The following LARGE1 variants were observed in gnomAD, a reference collection of about 807,000 sequenced individuals.
The protein encoded by LARGE1 is LARGE xylosyl- and glucuronyltransferase 1.
A neutral mutation model predicts 87.6 loss-of-function variants in LARGE1; 43 were observed. The observed-to-expected ratio is 0.49, with a 90% CI of 0.38 to 0.63. The LOEUF (loss-of-function observed/expected upper bound fraction) is 0.63. Ranked by LOEUF, LARGE1 falls within the 30% of genes least tolerant of loss-of-function variation. The pLI is 0.00. For missense variants in LARGE1, 802 were observed against 1,000.2 expected, an observed-to-expected ratio of 0.80 and a Z score of 2.67; for synonymous variants, 434 against 394.6, an observed-to-expected ratio of 1.10 and a Z score of -1.18.
intron 1 of LARGE1, among the ~76,000 whole-genome samples, chr22:33,884,195 T>C (rs2064777954): frequency 6.6e-6 from 1 of 152,336 alleles, no homozygotes; most frequent in East Asian, 1.9e-4. Flanking sequence ...ACCAAGGCCA[T>C]GCGGTTGGCC....
intron 1 of LARGE1, among the ~76,000 whole-genome samples, chr22:33,784,250 T>C (rs73170586): frequency 0.14 from 21,064 of 152,230 alleles, 1,658 homozygotes; most frequent in Middle Eastern, 0.25. Context: ...CTTTCTGCAA[T>C]GCCAAGCTCT....
At chr22:33,201,308 C>G (rs1278107160) in intron 11 of LARGE1, among the ~76,000 whole-genome samples, 1 of 141,152 alleles carries the variant, frequency 7.1e-6, no homozygotes, top group East Asian at 2.1e-4. Flanking sequence ...AACTCCATCT[C>G]AAAAAGAAAG....
At chr22:33,393,240 C>T (rs1209909684) in intron 7 of LARGE1, among the ~76,000 whole-genome samples, 4 of 152,142 alleles carry the variant, frequency 2.6e-5, no homozygotes, top group Non-Finnish European at 5.9e-5. Context: ...ACAACATTTC[C>T]AAGAGAAACA....
At chr22:33,446,537 C>T (rs1398419746) in intron 6 of LARGE1, among the ~76,000 whole-genome samples, 3 of 152,118 alleles carry the variant, frequency 2.0e-5, no homozygotes, top group Non-Finnish European at 2.9e-5. Flanking sequence ...TTGCAGGACA[C>T]TTAGTGGGTA....
intron 7 of LARGE1, among the ~76,000 whole-genome samples, chr22:33,427,008 A>T (rs1451630540): frequency 6.6e-6 from 1 of 152,050 alleles, no homozygotes; most frequent in Non-Finnish European, 1.5e-5. Flanking sequence ...ATCCCCTGCT[A>T]TGTTTAGCCC....
chr22:33,554,425 A>AAACAAC (rs907994099), intron 6 of LARGE1, among the ~76,000 whole-genome samples: 2 of 152,098 alleles, frequency 1.3e-5, no homozygotes, highest in Admixed American at 6.5e-5. Context: ...AGTTTATTAA[A>AAACAAC]AACAACAACA....
At chr22:33,668,812 G>A (rs963636634) in intron 2 of LARGE1, among the ~76,000 whole-genome samples, 2 of 152,174 alleles carry the variant, frequency 1.3e-5, no homozygotes, top group Admixed American at 6.5e-5. Flanking sequence ...CCCTGAACCT[G>A]CTTTTAGTAT....
chr22:33,109,366 G>A, the LARGE1 span: 4 of 151,868 alleles, frequency 2.6e-5, no homozygotes, highest in African/African-American at 4.8e-5. Flanking sequence ...CCAGGCAGGA[G>A]TGCAGTGGCT....
intron 1 of LARGE1, among the ~76,000 whole-genome samples, chr22:33,892,809 T>C (rs2065037447): frequency 6.6e-6 from 1 of 152,248 alleles, no homozygotes; most frequent in Admixed American, 6.5e-5. Flanking sequence ...CAAAAATGTG[T>C]ATGTTCACAG....
At chr22:33,168,919 A>G (rs1922411736) in intron 11 of LARGE1, among the ~76,000 whole-genome samples, 1 of 152,246 alleles carries the variant, frequency 6.6e-6, no homozygotes, top group African/African-American at 2.4e-5. Context: ...ATAGTAAAGC[A>G]GAAGAACTAT....
intron 1 of LARGE1, among the ~76,000 whole-genome samples, chr22:33,869,211 T>C (rs1424822771): frequency 6.6e-6 from 1 of 152,102 alleles, no homozygotes; most frequent in Non-Finnish European, 1.5e-5. Context: ...ATCCTCCTCT[T>C]GTCTGTCGGT....
chr22:33,588,780 C>T (rs1340235382), intron 5 of LARGE1, among the ~76,000 whole-genome samples: 1 of 152,148 alleles, frequency 6.6e-6, no homozygotes, highest in Non-Finnish European at 1.5e-5. Flanking sequence ...CCGAATCCTA[C>T]ACTCTTAGTA....
chr22:33,434,565 C>T (rs1181356126), intron 6 of LARGE1, among the ~76,000 whole-genome samples: 2 of 152,172 alleles, frequency 1.3e-5, no homozygotes, highest in African/African-American at 2.4e-5. Flanking sequence ...TCCCAAAGTG[C>T]TGGGATTACA....
At chr22:33,547,580 G>C (rs2077397464) in intron 6 of LARGE1, among the ~76,000 whole-genome samples, 1 of 151,860 alleles carries the variant, frequency 6.6e-6, no homozygotes, top group African/African-American at 2.4e-5. Context: ...TGGATCATGA[G>C]GTCAAGAGTT....
intron 2 of LARGE1, among the ~76,000 whole-genome samples, chr22:33,749,271 C>T (rs760770494): frequency 1.3e-5 from 2 of 152,168 alleles, no homozygotes; most frequent in Non-Finnish European, 2.9e-5. Context: ...TGTGCCACCA[C>T]GCCTGGATAA....
intron 11 of LARGE1, among the ~76,000 whole-genome samples, chr22:33,259,251 T>C (rs186348585): frequency 3.6e-4 from 54 of 152,050 alleles, no homozygotes; most frequent in African/African-American, 1.0e-3. Context: ...TTTAACCACA[T>C]TGACAATGTT....
intron 1 of LARGE1, among the ~76,000 whole-genome samples, chr22:33,902,789 A>C (rs190130780): frequency 2.9e-4 from 44 of 152,306 alleles, no homozygotes; most frequent in Non-Finnish European, 6.2e-4. Context: ...TTGAAGTTCT[A>C]ACCCCCAGAA....
At chr22:33,745,642 C>T (rs1345938035) in intron 2 of LARGE1, among the ~76,000 whole-genome samples, 3 of 152,146 alleles carry the variant, frequency 2.0e-5, no homozygotes, top group Non-Finnish European at 2.9e-5. Context: ...GGCGAGGGCC[C>T]GGTTCTCGCT....
At chr22:33,657,764 T>G (rs1450444002) in intron 2 of LARGE1, among the ~76,000 whole-genome samples, 1 of 152,178 alleles carries the variant, frequency 6.6e-6, no homozygotes, top group East Asian at 1.9e-4. Flanking sequence ...GTTTGCAGTC[T>G]GATAATGCAC....
Sources: allele counts gnomAD v4.1 joint callset (sites outside exome capture counted in the v4.1 genomes callset), GRCh38; gene constraint gnomAD v4.1.1; transcripts MANE v1.5; gene names NCBI Gene and HGNC (gene_info 2026-07-23, HGNC 2026-07-21).